The following GOLIM4 variants were observed in gnomAD, a reference collection of about 807,000 sequenced individuals.
GOLIM4 encodes 130 kDa golgi-localized phosphoprotein.
GOLIM4 carries 71 observed loss-of-function variants against 107.4 expected under a neutral mutation model. The observed-to-expected ratio is 0.66, with a 90% CI of 0.55 to 0.81. The LOEUF is 0.81. Among genes scored for constraint, GOLIM4 ranks in the 30% least tolerant of loss-of-function variants. The probability of loss-of-function intolerance (pLI) is 0.00; values close to 1 mark genes in which losing one functional copy is unlikely to be tolerated. For missense variants in GOLIM4, 830 were observed against 826.1 expected (o/e 1.00, Z -0.06); for synonymous variants, 327 against 294.8 (o/e 1.11, Z -1.12).
intron 1 of GOLIM4, among the ~76,000 whole-genome samples, chr3:168,064,572 C>G (rs1720443629): frequency 1.3e-5 from 2 of 151,364 alleles, no homozygotes; most frequent in African/African-American, 4.9e-5. Context: ...TCAGAGAATA[C>G]ATCTGTACTG....
chr3:168,077,629 AATATATTGACTCTATATCTTTAT>A (rs1721138165), intron 1 of GOLIM4, among the ~76,000 whole-genome samples: 1 of 152,334 alleles, frequency 6.6e-6, no homozygotes, highest in African/African-American at 2.4e-5. Flanking sequence ...AACAAAAACT[AATATATTGACTCTATATCTTTAT>A]ATGGCTACTC....
intron 3 of GOLIM4, 45 bp downstream of exon 3, chr3:168,046,904 CA>C: frequency 9.8e-7 from 1 of 1,015,386 alleles, no homozygotes; most frequent in Non-Finnish European, 1.4e-6. Context: ...TTTATGAAAA[CA>C]AATTAAGGAA....
At chr3:168,065,835 C>G (rs796762188) in intron 1 of GOLIM4, among the ~76,000 whole-genome samples, 2 of 152,238 alleles carry the variant, frequency 1.3e-5, no homozygotes, top group African/African-American at 4.8e-5. Flanking sequence ...GGCAAGGGGT[C>G]CAGAGATCTG....
chr3:168,046,858 A>G lies in GOLIM4; in HGVS notation c.312+92T>C, dbSNP rs1363813332. 6 of 658,796 alleles carry G rather than the reference A, an allele frequency of 9.1e-6. No homozygotes were observed. The African/African-American group carries it at 9.7e-5, about 11-fold the overall frequency. 40.8% of individuals were successfully genotyped at this position (658,796 alleles called of 1,614,324 possible). A position where few individuals can be genotyped will look rare whatever the true frequency, so the allele number is the denominator to read the frequency against. On this transcript the variant is annotated intron_variant, in intron 3 of 15. Coordinates refer to ENST00000470487, the MANE Select transcript of GOLIM4 (RefSeq NM_014498.5). ...CTATAATCCCAGGGATCAAAAAGTA[A>G]AAGAGTTCGCAACTGTATTTCTCTC...
In GOLIM4 at chr3:168,010,267, C is replaced by T. The variant is rs73037447; in HGVS notation, c.*2G>A. 4,681 of 1,607,718 alleles carry T rather than the reference C, an allele frequency of 2.9e-3. 109 individuals are homozygous for T. In the African/African-American group the frequency reaches 0.053, roughly 18 times the overall value. Reference sequence around the variant, plus strand: ...TGAGCGTTGTCTAGAAATTGGGTGCCGCTACATTTCAGCTCTTCGATGTGA... The same window carrying T: ...TGAGCGTTGTCTAGAAATTGGGTGCTGCTACATTTCAGCTCTTCGATGTGA... On this transcript the variant is annotated 3_prime_UTR_variant, in exon 16 of 16. Transcript: ENST00000470487.
At chr3:168,072,775 A>T (rs1177041289) in intron 1 of GOLIM4, among the ~76,000 whole-genome samples, 2 of 152,138 alleles carry the variant, frequency 1.3e-5, no homozygotes, top group African/African-American at 4.8e-5. Context: ...CAGAATTATT[A>T]CAGTAAGAAG....
At chr3:168,080,479 A>G (rs1282310036) in intron 1 of GOLIM4, among the ~76,000 whole-genome samples, 1 of 152,226 alleles carries the variant, frequency 6.6e-6, no homozygotes. Flanking sequence ...ACTGGGAGCC[A>G]CATTTCTACA....
intron 1 of GOLIM4, among the ~76,000 whole-genome samples, chr3:168,084,980 T>C (rs939469981): frequency 6.6e-6 from 1 of 151,382 alleles, no homozygotes; most frequent in African/African-American, 2.4e-5. Flanking sequence ...ATGTGCCAGA[T>C]GAACTGACTT....
chr3:168,050,640 G>C (rs553718062), intron 1 of GOLIM4, among the ~76,000 whole-genome samples: 5 of 152,196 alleles, frequency 3.3e-5, no homozygotes, highest in African/African-American at 1.2e-4. Context: ...CGTCTGGGTA[G>C]AAAGTTATAA....
intron 12 of GOLIM4, 48 bp from the exon 13 acceptor site, chr3:168,025,143 A>G: frequency 1.4e-6 from 2 of 1,475,622 alleles, no homozygotes; most frequent in South Asian, 2.4e-5. Flanking sequence ...ACTGAGGATC[A>G]AGTTTAATTT....
chr3:168,032,874 G>A, intron 8 of GOLIM4, 22 bp from the exon 9 acceptor site: 1 of 1,533,996 alleles, frequency 6.5e-7, no homozygotes, highest in Non-Finnish European at 8.9e-7. Flanking sequence ...ACATCACTGG[G>A]AATGACACTC....
intron 1 of GOLIM4, among the ~76,000 whole-genome samples, chr3:168,082,968 T>G (rs1477360078): frequency 6.6e-6 from 1 of 152,194 alleles, no homozygotes; most frequent in African/African-American, 2.4e-5. Flanking sequence ...TATAGAAATA[T>G]GTTTTGGAAA....
rs1253013099 is a variant in GOLIM4 at position 168,032,733 on chromosome 3, G to T, written c.963C>A (p.Ile321=). 6.2e-7 allele frequency: 1 copy of T among 1,614,034 alleles called. No individual in the cohort carries two copies. The highest frequency in any genetic ancestry group is 8.5e-7 in the Non-Finnish European group (1 of 1,179,976). ...EAEFQAPPEP[I]QQEVERREPE... ...GTTCTCTGCGTTCCACTTCTTGTTG[G>T]ATTGGCTCTGGGGGAGCCTGAAATT... Residue 321 remains isoleucine, a synonymous_variant, in exon 9 of 16, where the codon ATC becomes ATA. Transcript: ENST00000470487.
chr3:168,079,414 T>C (rs1483799295), intron 1 of GOLIM4, among the ~76,000 whole-genome samples: 1 of 152,220 alleles, frequency 6.6e-6, no homozygotes, highest in African/African-American at 2.4e-5. Flanking sequence ...AAGACAATTT[T>C]TGAATGAGAT....
At chr3:168,051,014 G>A (rs1000262241) in intron 1 of GOLIM4, among the ~76,000 whole-genome samples, 1 of 151,978 alleles carries the variant, frequency 6.6e-6, no homozygotes, top group African/African-American at 2.4e-5. Flanking sequence ...ACAATCTGGT[G>A]GAATTGCTGT....
At chr3:168,090,970 G>A (rs1721877488) in intron 1 of GOLIM4, among the ~76,000 whole-genome samples, 2 of 152,144 alleles carry the variant, frequency 1.3e-5, no homozygotes, top group Non-Finnish European at 1.5e-5. Context: ...GCTATACAAC[G>A]GGCACACATG....
intron 12 of GOLIM4, among the ~76,000 whole-genome samples, chr3:168,026,921 AG>A (rs1272487832): frequency 6.6e-6 from 1 of 152,232 alleles, no homozygotes; most frequent in African/African-American, 2.4e-5. Context: ...CCTTTTAATC[AG>A]GGCTCATGTG....
At chr3:168,040,637 T>C (rs1226131597) in intron 7 of GOLIM4, 149 bp downstream of exon 7, 1 of 515,368 alleles carries the variant, frequency 1.9e-6, no homozygotes, top group African/African-American at 1.9e-5. Flanking sequence ...TGATTGAATT[T>C]TGAAAGCATG....
intron 14 of GOLIM4, among the ~76,000 whole-genome samples, chr3:168,018,101 G>A (rs112898438): frequency 6.6e-5 from 10 of 152,238 alleles, no homozygotes; most frequent in African/African-American, 2.4e-4. Context: ...GCTGAACATC[G>A]GTTAAGTATA....
Sources: allele counts gnomAD v4.1 joint callset (sites outside exome capture counted in the v4.1 genomes callset), GRCh38; gene constraint gnomAD v4.1.1; transcripts MANE v1.5; gene names NCBI Gene and HGNC (gene_info 2026-07-23, HGNC 2026-07-21).